Variants in TULP4 observed in about 807,000 individuals in gnomAD.
TULP4 encodes the protein TUB like protein 4, also known as tubby-related protein 4.
In TULP4, 16 loss-of-function variants were observed where a neutral mutation model predicts 129.0. The observed-to-expected ratio is 0.12, with a 90% CI of 0.08 to 0.19. The LOEUF is 0.19. Among genes scored for constraint, TULP4 ranks in the 10% least tolerant of loss-of-function variants. The pLI is 1.00. For missense variants in TULP4, 1,842 were observed against 2,059.1 expected, an observed-to-expected ratio of 0.89 and a Z score of 2.04; for synonymous variants, 998 against 854.0, an observed-to-expected ratio of 1.17 and a Z score of -2.94.
intron 4 of TULP4, among the ~76,000 whole-genome samples, chr6:158,451,831 C>T (rs1779166710): frequency 1.3e-5 from 2 of 152,202 alleles, no homozygotes; most frequent in Non-Finnish European, 2.9e-5. Flanking sequence ...TCATTAGAAC[C>T]GTGTAACACA....
chr6:158,253,010 G>A (rs111964208), intron 1 of TULP4, among the ~76,000 whole-genome samples: 5 of 152,296 alleles, frequency 3.3e-5, no homozygotes, highest in East Asian at 3.9e-4. Flanking sequence ...TGAAGCTTAC[G>A]CGTTGGCAGG....
intron 12 of TULP4, among the ~76,000 whole-genome samples, chr6:158,499,045 C>T (rs1295033202): frequency 1.3e-5 from 2 of 152,192 alleles, no homozygotes; most frequent in African/African-American, 2.4e-5. Flanking sequence ...CCAGTAGCAG[C>T]GGCGCCTTGT....
chr6:158,442,337 A>C (rs1778916082), intron 3 of TULP4, among the ~76,000 whole-genome samples: 1 of 152,188 alleles, frequency 6.6e-6, no homozygotes, highest in Non-Finnish European at 1.5e-5. Context: ...TGAAATGGGA[A>C]AGGATTTCAG....
At chr6:158,396,921 G>A (rs867516176) in intron 1 of TULP4, among the ~76,000 whole-genome samples, 4 of 152,280 alleles carry the variant, frequency 2.6e-5, no homozygotes, top group African/African-American at 4.8e-5. Flanking sequence ...TGGAAGAGGC[G>A]GGCTGCGTGG....
At chr6:158,360,888 A>G (rs558406925) in intron 1 of TULP4, among the ~76,000 whole-genome samples, 1 of 152,196 alleles carries the variant, frequency 6.6e-6, no homozygotes, top group Non-Finnish European at 1.5e-5. Flanking sequence ...AAATGCCACC[A>G]TTAGCAGAAT....
At chr6:158,427,535 C>A (rs1368412600) in intron 2 of TULP4, among the ~76,000 whole-genome samples, 1 of 113,638 alleles carries the variant, frequency 8.8e-6, no homozygotes, top group Non-Finnish European at 1.6e-5. Context: ...CGCTCTGTCG[C>A]CAGGCTGGAG....
intron 6 of TULP4, among the ~76,000 whole-genome samples, chr6:158,477,527 G>A (rs1398806410): frequency 6.6e-6 from 1 of 152,106 alleles, no homozygotes; most frequent in African/African-American, 2.4e-5. Flanking sequence ...TCAACATCAT[G>A]AACCATTAGA....
chr6:158,391,471 C>T (rs1265436776), intron 1 of TULP4, among the ~76,000 whole-genome samples: 1 of 152,170 alleles, frequency 6.6e-6, no homozygotes, highest in Non-Finnish European at 1.5e-5. Context: ...TATGAGGGTG[C>T]TCTTAGTGAA....
Position 158,429,941 on chromosome 6 carries a change from G to T in TULP4, c.543+44G>T, listed in dbSNP as rs529822305. The T allele has an allele frequency of 4.9e-5, 77 of 1,559,818 alleles. No homozygotes were observed. The Admixed American group carries it at 1.4e-3, about 28-fold the overall frequency. ...GGTGGGTGTGTGACGTTAAAACCATGAGGGCTGGGAGGGAAGAAAGGGGCA... is the reference window on the plus strand; with the variant it reads ...GGTGGGTGTGTGACGTTAAAACCATTAGGGCTGGGAGGGAAGAAAGGGGCA... On this transcript the variant is annotated intron_variant, in intron 3 of 13. Transcript: ENST00000367097.
At chr6:158,416,798 A>AT (rs1344635284) in intron 2 of TULP4, among the ~76,000 whole-genome samples, 1 of 152,210 alleles carries the variant, frequency 6.6e-6, no homozygotes, top group Non-Finnish European at 1.5e-5. Context: ...AGCTCCATTC[A>AT]TGGTAAGTGC....
intron 1 of TULP4, among the ~76,000 whole-genome samples, chr6:158,366,683 C>G (rs887173557): frequency 6.6e-6 from 1 of 152,222 alleles, no homozygotes; most frequent in Non-Finnish European, 1.5e-5. Context: ...CTTGTTTGTT[C>G]TGTTGGTAAA....
intron 1 of TULP4, among the ~76,000 whole-genome samples, chr6:158,251,424 A>T (rs558989015): frequency 2.4e-4 from 36 of 152,046 alleles, no homozygotes; most frequent in Admixed American, 1.1e-3. Context: ...AATATAACTA[A>T]TATTTTTAAT....
At chr6:158,466,899 C>T (rs373466305) in intron 6 of TULP4, among the ~76,000 whole-genome samples, 34 of 152,314 alleles carry the variant, frequency 2.2e-4, no homozygotes, top group East Asian at 1.2e-3. Flanking sequence ...GATCACTTTT[C>T]GCACTCTGTA....
rs557821318 is a variant in TULP4 at position 158,268,030 on chromosome 6, TTTTTC to T, written n.68+35732_68+35736del. 1.8e-3 allele frequency among the ~76,000 whole-genome samples: 137 copies of T among 74,254 alleles called. 1 individual carries two copies. Among genetic ancestry groups the T allele is most frequent in the Non-Finnish European group, 4.1e-3 (118 of 28,464 alleles). 48.7% of individuals were successfully genotyped at this position (74,254 alleles called of 152,430 possible). A position where few individuals can be genotyped will look rare whatever the true frequency, so the allele number is the denominator to read the frequency against. Reference sequence around the variant, plus strand: ...TTCTTTTCTTTTCTTTTCTTTTTCTTTTTTCTTTTTTTTTTTTTTTTTGAGACGTA... The same window carrying T: ...TTCTTTTCTTTTCTTTTCTTTTTCTTTTTTTTTTTTTTTTTTTGAGACGTA... On this transcript the variant is annotated intron_variant and non_coding_transcript_variant, in intron 1 of 1. Transcript: ENST00000620026.
At chr6:158,308,751 C>T (rs1429501846), upstream of TULP4, among the ~76,000 whole-genome samples, 8 of 136,058 alleles carry the variant, frequency 5.9e-5, no homozygotes, top group African/African-American at 1.4e-4. Context: ...GCTGGCCGGG[C>T]GGGGGGCTGA....
intron 1 of TULP4, among the ~76,000 whole-genome samples, chr6:158,336,406 C>T (rs1269005442): frequency 1.3e-5 from 2 of 150,824 alleles, no homozygotes; most frequent in African/African-American, 2.4e-5. Context: ...GTATTTTTTG[C>T]CATGCAGAAG....
chr6:158,458,612 C>T (rs1227671335), intron 5 of TULP4, among the ~76,000 whole-genome samples: 3 of 152,152 alleles, frequency 2.0e-5, no homozygotes, highest in African/African-American at 7.2e-5. Context: ...GGCAAAGATA[C>T]TGGGGATTAT....
chr6:158,481,378 C>A (rs749893028), intron 8 of TULP4, 89 bp downstream of exon 8: 23 of 1,227,702 alleles, frequency 1.9e-5, no homozygotes, highest in African/African-American at 3.0e-5. Flanking sequence ...AGAATGTCTG[C>A]TAATGAAACG....
At chr6:158,245,260 G>A (rs1337249897) in intron 1 of TULP4, among the ~76,000 whole-genome samples, 1 of 151,606 alleles carries the variant, frequency 6.6e-6, no homozygotes, top group East Asian at 1.9e-4. Flanking sequence ...CTCCCGAAGT[G>A]TTGGGGTTAC....
Sources: gnomAD v4.1 joint callset for allele counts (sites outside exome capture counted in the v4.1 genomes callset) on GRCh38, gnomAD v4.1.1 for gene constraint, MANE v1.5 for transcripts, NCBI Gene and HGNC (gene_info 2026-07-23, HGNC 2026-07-21) for gene names.